BMP7: variants seen among roughly 807,000 people sequenced by gnomAD.
BMP7 encodes osteogenic protein 1.
BMP7 carries 12 observed loss-of-function variants against 41.2 expected under a neutral mutation model. The observed-to-expected ratio is 0.29, with a 90% CI of 0.19 to 0.47. BMP7 has a LOEUF of 0.47. Ranked by LOEUF, BMP7 falls within the 20% of genes least tolerant of loss-of-function variation. BMP7 has a pLI of 0.99. For missense variants in BMP7, 467 were observed against 606.0 expected (o/e 0.77, Z 2.41); for synonymous variants, 248 against 250.0 (o/e 0.99, Z 0.07).
intron 2 of BMP7, among the ~76,000 whole-genome samples, chr20:57,204,278 C>T (rs965197237): frequency 2.0e-5 from 3 of 152,178 alleles, no homozygotes; most frequent in Admixed American, 6.5e-5. Flanking sequence ...CCCAGCTCTC[C>T]GTACTAACAC....
intron 1 of BMP7, among the ~76,000 whole-genome samples, chr20:57,238,747 G>C (rs2123127169): frequency 6.6e-6 from 1 of 152,200 alleles, no homozygotes; most frequent in Middle Eastern, 3.4e-3. Context: ...ACATGGCTGG[G>C]GAGGCCTCAG....
At chr20:57,255,799 C>CAAAAAAAAAAA (rs3067106) in intron 1 of BMP7, among the ~76,000 whole-genome samples, 32 of 48,568 alleles carry the variant, frequency 6.6e-4, no homozygotes, top group Admixed American at 7.1e-4. Flanking sequence ...GACTCCATCT[C>CAAAAAAAAAAA]AAAAAAAAAA....
chr20:57,207,195 A>G (rs1984751319), intron 2 of BMP7, among the ~76,000 whole-genome samples: 1 of 152,172 alleles, frequency 6.6e-6, no homozygotes, highest in African/African-American at 2.4e-5. Context: ...CTGGGAAGGA[A>G]GCCACTGAAT....
At chr20:57,225,538 G>C (rs1167432484) in intron 2 of BMP7, among the ~76,000 whole-genome samples, 2 of 151,976 alleles carry the variant, frequency 1.3e-5, no homozygotes, top group Non-Finnish European at 2.9e-5. Flanking sequence ...CCATTTTACA[G>C]AGGGAAAAAC....
At chr20:57,265,175 G>A (rs2066170997) in intron 1 of BMP7, among the ~76,000 whole-genome samples, 1 of 152,256 alleles carries the variant, frequency 6.6e-6, no homozygotes, top group East Asian at 1.9e-4. Flanking sequence ...GGCCCGGAGA[G>A]GGGCCCCAAG....
intron 4 of BMP7, among the ~76,000 whole-genome samples, chr20:57,180,988 G>T (rs1318484273): frequency 6.6e-6 from 1 of 152,150 alleles, no homozygotes; most frequent in African/African-American, 2.4e-5. Flanking sequence ...CTATCCCCTC[G>T]CCAGGACCTT....
chr20:57,242,243 T>G (rs1412771147), intron 1 of BMP7, among the ~76,000 whole-genome samples: 1 of 152,202 alleles, frequency 6.6e-6, no homozygotes. Flanking sequence ...TGGCATGTAC[T>G]GGGTACAGAC....
intron 4 of BMP7, chr20:57,178,051 C>T (rs898111121): frequency 6.6e-6 from 1 of 152,402 alleles, no homozygotes; most frequent in Admixed American, 6.5e-5. Flanking sequence ...CAGAGGAAAA[C>T]AAGGCAGGAG....
Position 57,233,915 on chromosome 20 carries a change from G to A in BMP7, c.419-5494C>T, listed in dbSNP as rs78697910. Among the ~76,000 whole-genome samples, 889 of 152,240 alleles carry A rather than the reference G, an allele frequency of 5.8e-3. 11 individuals are homozygous for A. The highest frequency in any genetic ancestry group is 0.02 in the African/African-American group (829 of 41,534). ...TACATCATAATGCACAAAACTAAACGAACACAATACATTGTTACAAACACG... is the reference window on the plus strand; with the variant it reads ...TACATCATAATGCACAAAACTAAACAAACACAATACATTGTTACAAACACG... On this transcript the variant is annotated intron_variant, in intron 1 of 6. Transcript: ENST00000395863.
In BMP7 at chr20:57,171,234, C is replaced by G; in HGVS notation, c.1147-126G>C. 1 of 1,323,214 alleles carries G rather than the reference C, an allele frequency of 7.6e-7. No individual in the cohort carries two copies. Among genetic ancestry groups the G allele is most frequent in the Non-Finnish European group, 1.1e-6 (1 of 937,612 alleles). The allele number at this position is 1,323,214 out of a possible 1,614,324, so 82.0% of individuals were successfully genotyped here. A position where few individuals can be genotyped will look rare whatever the true frequency, so the allele number is the denominator to read the frequency against. On this transcript the variant is annotated intron_variant, in intron 6 of 6. Coordinates refer to ENST00000395863, the MANE Select transcript of BMP7 (RefSeq NM_001719.3). This position sits in a 1 kb window ranked among gnomAD's most constrained non-coding sequence, Gnocchi z 4.5. ...ATGACTGCAGGTGACACTCCCCAAG[C>G]CAAGCACTCCCTGTTCTAAGCACTT... is the stretch of plus-strand genomic sequence containing the variant.
intron 6 of BMP7, 158 bp downstream of exon 6, chr20:57,173,041 AT>A: frequency 1.3e-6 from 1 of 745,000 alleles, no homozygotes. Flanking sequence ...ATAAAGTACA[AT>A]TTTTGATTTT....
chr20:57,210,888 C>T (rs924601605), intron 2 of BMP7, among the ~76,000 whole-genome samples: 2 of 152,230 alleles, frequency 1.3e-5, no homozygotes, highest in Admixed American at 1.3e-4. Context: ...TTTTGTCTTG[C>T]GCATGGGCAG....
At chr20:57,254,469 A>G (rs961225829) in intron 1 of BMP7, among the ~76,000 whole-genome samples, 1 of 151,988 alleles carries the variant, frequency 6.6e-6, no homozygotes, top group Non-Finnish European at 1.5e-5. Flanking sequence ...CCATGTGTCC[A>G]TGGTATTACT....
rs1984943966 is a variant in BMP7 at position 57,213,632 on chromosome 20, C to T, written c.612-11009G>A. On this transcript the variant is annotated intron_variant, in intron 2 of 6. Transcript: ENST00000395863. This position sits in a 1 kb window ranked among gnomAD's most constrained non-coding sequence, Gnocchi z 4.4. ...AATACAGCGACAAATGGAAGGCTCTCCCTCATTAGAGACACAGCCACCAGC... is the reference window on the plus strand; with the variant it reads ...AATACAGCGACAAATGGAAGGCTCTTCCTCATTAGAGACACAGCCACCAGC... 2.0e-5 allele frequency among the ~76,000 whole-genome samples: 3 copies of T among 152,164 alleles called. 1 individual carries two copies. The South Asian group carries it at 6.2e-4, about 32-fold the overall frequency.
intron 2 of BMP7, among the ~76,000 whole-genome samples, chr20:57,221,304 G>A (rs972040014): frequency 3.3e-5 from 5 of 152,188 alleles, no homozygotes; most frequent in Admixed American, 6.6e-5. Flanking sequence ...ACTGGGACAG[G>A]CTGGGCAGGT....
chr20:57,265,698 T>A lies in BMP7; in HGVS notation c.418+7A>T, dbSNP rs1568734646. ...GGAGACGCGTACCCTCGCCTGCCCT[T>A]ACTCACCGAGGTTGACGAAGCTCAT... On this transcript the variant is annotated splice_region_variant and intron_variant, in intron 1 of 6. Coordinates refer to ENST00000395863, the MANE Select transcript of BMP7 (RefSeq NM_001719.3). 2 of 1,598,688 alleles carry A rather than the reference T, an allele frequency of 1.3e-6. No homozygotes were observed. The highest frequency in any genetic ancestry group is 1.7e-6 in the Non-Finnish European group (2 of 1,172,616).
intron 1 of BMP7, among the ~76,000 whole-genome samples, 185 bp downstream of exon 1, chr20:57,265,520 G>A (rs1044279280): frequency 6.6e-6 from 1 of 152,250 alleles, no homozygotes; most frequent in Non-Finnish European, 1.5e-5. Context: ...AACCCAGCGC[G>A]CCCGACCTGG....
chr20:57,197,416 G>A (rs1266360546), intron 3 of BMP7, among the ~76,000 whole-genome samples: 1 of 152,142 alleles, frequency 6.6e-6, no homozygotes, highest in Non-Finnish European at 1.5e-5. Flanking sequence ...GCCAGGCTGG[G>A]TCCCCTGCAG....
chr20:57,189,780 C>G (rs1484870229), intron 3 of BMP7, among the ~76,000 whole-genome samples: 1 of 152,188 alleles, frequency 6.6e-6, no homozygotes, highest in African/African-American at 2.4e-5. Context: ...CATTCAGCAA[C>G]TGTTTATTGA....
Sources: allele counts gnomAD v4.1 joint callset (sites outside exome capture counted in the v4.1 genomes callset), GRCh38; gene constraint gnomAD v4.1.1; non-coding constraint Gnocchi (gnomAD v3.1); transcripts MANE v1.5; gene names NCBI Gene and HGNC (gene_info 2026-07-23, HGNC 2026-07-21).